The following ZBTB20 variants were observed in gnomAD, a reference collection of about 807,000 sequenced individuals.
ZBTB20 encodes the protein zinc finger and BTB domain-containing protein 20.
Under a neutral mutation model 56.9 loss-of-function variants are expected in ZBTB20, and 9 were observed. The ratio of observed to expected loss-of-function variants is 0.16; its 90% confidence interval spans 0.10 to 0.28. The LOEUF (loss-of-function observed/expected upper bound fraction) is 0.28. ZBTB20 is among the 10% of genes least tolerant of loss of function. ZBTB20 has a pLI of 1.00. For synonymous variants in ZBTB20, 417 were observed against 420.7 expected, an observed-to-expected ratio of 0.99 and a Z score of 0.11; for missense variants, 655 against 1,003.0, an observed-to-expected ratio of 0.65 and a Z score of 4.69.
chr3:114,538,389 T>C (rs919069951), intron 6 of ZBTB20, among the ~76,000 whole-genome samples: 1 of 152,164 alleles, frequency 6.6e-6, no homozygotes, highest in Admixed American at 6.6e-5. Context: ...GTCCTTTTTC[T>C]TTCCCCAGTG....
intron 1 of ZBTB20, among the ~76,000 whole-genome samples, chr3:115,073,944 C>A (rs1379236539): frequency 1.3e-5 from 2 of 152,064 alleles, no homozygotes; most frequent in African/African-American, 4.8e-5. Flanking sequence ...AAAATCCCTA[C>A]TATTTCATTC....
At chr3:115,105,581 T>C (rs911234371) in intron 1 of ZBTB20, among the ~76,000 whole-genome samples, 2 of 152,206 alleles carry the variant, frequency 1.3e-5, no homozygotes. Flanking sequence ...TGCTGTTTAA[T>C]ACCCATAGCT....
intron 5 of ZBTB20, among the ~76,000 whole-genome samples, chr3:114,762,638 A>T (rs191744174): frequency 6.6e-6 from 1 of 152,138 alleles, no homozygotes; most frequent in Admixed American, 6.6e-5. Context: ...ATTGGCTGAG[A>T]TATTTTGTAT....
chr3:115,121,195 T>C (rs1174089291), intron 1 of ZBTB20, among the ~76,000 whole-genome samples: 2 of 152,064 alleles, frequency 1.3e-5, no homozygotes, highest in African/African-American at 4.8e-5. Context: ...AATAAATTCA[T>C]CTGTTCATTG....
intron 10 of ZBTB20, among the ~76,000 whole-genome samples, chr3:114,362,133 A>C (rs576993258): frequency 6.6e-6 from 1 of 152,184 alleles, no homozygotes; most frequent in Non-Finnish European, 1.5e-5. Context: ...CTTTAGAAAA[A>C]TACGGGAATT....
At chr3:114,494,967 T>A (rs937993690) in intron 7 of ZBTB20, among the ~76,000 whole-genome samples, 8 of 152,230 alleles carry the variant, frequency 5.3e-5, no homozygotes, top group African/African-American at 1.9e-4. Flanking sequence ...TTTCTCTTCA[T>A]CTTTTTTACA....
At position 114,743,289 on chromosome 3, in the gene ZBTB20, C is replaced by A. The variant is rs9838547; in HGVS notation, c.-342-49714G>T. Among the ~76,000 whole-genome samples the A allele has an allele frequency of 3.6e-3, 554 of 152,168 alleles. 3 individuals are homozygous for A. Among genetic ancestry groups the A allele is most frequent in the African/African-American group, 0.012 (514 of 41,518 alleles). ...TCCTTTCACAAATGCAATAGGGTAG[C>A]CACTGGATCTAAGGGGAAAAGATCC... On this transcript the variant is annotated intron_variant, in intron 5 of 11. Coordinates refer to ENST00000675478, the MANE Select transcript of ZBTB20 (RefSeq NM_001348800.3).
intron 7 of ZBTB20, among the ~76,000 whole-genome samples, chr3:114,445,078 A>G (rs1400616669): frequency 6.6e-6 from 1 of 152,156 alleles, no homozygotes; most frequent in East Asian, 1.9e-4. Flanking sequence ...GTCAACGCTT[A>G]AAGCAGAGCT....
chr3:114,663,739 C>T (rs1486348073), intron 6 of ZBTB20, among the ~76,000 whole-genome samples: 10 of 151,538 alleles, frequency 6.6e-5, no homozygotes, highest in Non-Finnish European at 1.2e-4. Context: ...GGTTGCAATC[C>T]TAGTCTCTGA....
At chr3:114,353,348 A>G (rs2080879824) in intron 10 of ZBTB20, among the ~76,000 whole-genome samples, 1 of 152,250 alleles carries the variant, frequency 6.6e-6, no homozygotes, top group Admixed American at 6.5e-5. Context: ...CTTGTTCAGG[A>G]AACTCTGAGT....
intron 6 of ZBTB20, among the ~76,000 whole-genome samples, chr3:114,639,068 T>C (rs1030400085): frequency 2.6e-5 from 4 of 152,126 alleles, no homozygotes; most frequent in Non-Finnish European, 5.9e-5. Flanking sequence ...TCATTATTTC[T>C]AAAATCTTTC....
At chr3:114,658,585 G>A (rs1230119939) in intron 6 of ZBTB20, 1 of 152,072 alleles carries the variant, frequency 6.6e-6, no homozygotes, top group Admixed American at 6.5e-5. Context: ...CATCTCCCAT[G>A]TTAACAACTT....
rs185889145 is a variant in ZBTB20, at chr3:114,843,080, G to A, written c.-416-41906C>T. Among the ~76,000 whole-genome samples the A allele has an allele frequency of 3.3e-5, 5 of 152,170 alleles. No individual in the cohort carries two copies. In the East Asian group the frequency reaches 7.7e-4, roughly 24 times the overall value. On this transcript the variant is annotated intron_variant, in intron 4 of 11. Transcript: ENST00000675478. ...CTGTCCTTCTGCCGCCATGTAAGAC[G>A]TGCCTTGCTTCCCCTTCACCTTCTG...
At chr3:114,478,381 C>G (rs545360547) in intron 7 of ZBTB20, among the ~76,000 whole-genome samples, 1 of 152,280 alleles carries the variant, frequency 6.6e-6, no homozygotes. Context: ...TTTCTCCTTC[C>G]CATTCACTTT....
In ZBTB20 at chr3:114,329,634, T is replaced by C. The variant is rs951884200; in HGVS notation, c.*9371A>G. 1 of 140,856 alleles carries C rather than the reference T, an allele frequency of 7.1e-6. No individual in the cohort carries two copies. Among genetic ancestry groups the C allele is most frequent in the Non-Finnish European group, 1.5e-5 (1 of 66,794 alleles). 8.7% of individuals were successfully genotyped at this position (140,856 alleles called of 1,614,324 possible). Reference sequence around the variant, plus strand: ...TCCTCAGATTTAAAAATGTCTCAGATAGATATTTCCAAATTCTATTTCTAT... The same window carrying C: ...TCCTCAGATTTAAAAATGTCTCAGACAGATATTTCCAAATTCTATTTCTAT... On this transcript the variant is annotated 3_prime_UTR_variant, in exon 12 of 12. Coordinates refer to ENST00000675478, the MANE Select transcript of ZBTB20 (RefSeq NM_001348800.3).
chr3:114,698,157 G>A (rs1179954487), intron 5 of ZBTB20, among the ~76,000 whole-genome samples: 1 of 152,094 alleles, frequency 6.6e-6, no homozygotes, highest in Non-Finnish European at 1.5e-5. Flanking sequence ...TCACGGGAAT[G>A]TCATCAGGGT....
intron 2 of ZBTB20, among the ~76,000 whole-genome samples, chr3:115,061,492 C>G (rs1259603269): frequency 6.6e-6 from 1 of 152,072 alleles, no homozygotes; most frequent in Non-Finnish European, 1.5e-5. Context: ...TCCTATTAAC[C>G]AATTTATTGA....
chr3:114,330,460 A>G lies in ZBTB20; in HGVS notation c.*8545T>C, dbSNP rs141632795. On this transcript the variant is annotated 3_prime_UTR_variant, in exon 12 of 12. Transcript: ENST00000675478. The stretch of plus-strand genomic sequence containing the variant: ...GAAATACTGCAATGTAGTGTATTGT[A>G]GTTAAGTAAGCATACCTAAATAGTA... 2.0e-5 allele frequency: 3 copies of G among 152,350 alleles called. No homozygotes were observed. The East Asian group carries it at 5.8e-4, about 29-fold the overall frequency. The allele number at this position is 152,350 out of a possible 1,614,324, so 9.4% of individuals were successfully genotyped here. A position where few individuals can be genotyped will look rare whatever the true frequency, so the allele number is the denominator to read the frequency against.
intron 5 of ZBTB20, among the ~76,000 whole-genome samples, chr3:114,758,486 C>T (rs557320321): frequency 6.6e-6 from 1 of 152,070 alleles, no homozygotes; most frequent in Non-Finnish European, 1.5e-5. Flanking sequence ...ACAGTGTTTA[C>T]TTTTAAAAAT....
Sources: allele counts gnomAD v4.1 joint callset (sites outside exome capture counted in the v4.1 genomes callset), GRCh38; gene constraint gnomAD v4.1.1; transcripts MANE v1.5; gene names NCBI Gene and HGNC (gene_info 2026-07-23, HGNC 2026-07-21).